LRRC17: variants seen among roughly 807,000 people sequenced by gnomAD.
LRRC17 encodes the protein leucine rich repeat containing 17.
In LRRC17, 33 loss-of-function variants were observed where a neutral mutation model predicts 41.5. The ratio of observed to expected loss-of-function variants is 0.80; its 90% confidence interval spans 0.60 to 1.06. The LOEUF is 1.06. Among genes scored for constraint, LRRC17 ranks in the 50% least tolerant of loss-of-function variants. The pLI, the probability that LRRC17 is intolerant of heterozygous loss-of-function variation, is 0.00. For missense variants in LRRC17, 491 were observed against 519.3 expected (o/e 0.95, Z 0.53); for synonymous variants, 192 against 197.0 (o/e 0.97, Z 0.21).
chr7:102,937,210 G>A (rs140220544), intron 2 of LRRC17, among the ~76,000 whole-genome samples: 112 of 152,044 alleles, frequency 7.4e-4, no homozygotes, highest in Admixed American at 1.2e-3. Flanking sequence ...ATTATAAGAC[G>A]AAGGGTAGGC....
At chr7:102,934,808 C>A in intron 2 of LRRC17, 123 bp downstream of exon 2, 2 of 908,030 alleles carry the variant, frequency 2.2e-6, no homozygotes, top group Non-Finnish European at 3.3e-6. Context: ...AGAAATCCTT[C>A]CCTATTGACA....
chr7:102,913,395 G>C (rs911105695), intron 1 of LRRC17, among the ~76,000 whole-genome samples: 11 of 152,274 alleles, frequency 7.2e-5, no homozygotes, highest in Non-Finnish European at 1.6e-4. Context: ...GTTATATAAG[G>C]TAACACACAA....
intron 2 of LRRC17, 98 bp downstream of exon 2, chr7:102,934,783 G>A: frequency 9.1e-7 from 1 of 1,096,868 alleles, no homozygotes; most frequent in Non-Finnish European, 1.3e-6. Context: ...TGGAATTCGT[G>A]ATGTCACTTC....
intron 3 of LRRC17, among the ~76,000 whole-genome samples, chr7:102,940,387 T>G (rs1003518204): frequency 6.6e-6 from 1 of 151,518 alleles, no homozygotes; most frequent in Non-Finnish European, 1.5e-5. Flanking sequence ...TTTTTCTGTA[T>G]TTTTAGCAGA....
At chr7:102,926,430 C>T (rs1287445571) in intron 1 of LRRC17, 1 of 1,363,928 alleles carries the variant, frequency 7.3e-7, no homozygotes, top group African/African-American at 1.5e-5. Flanking sequence ...TTTGCAATTT[C>T]CCCATTATCT....
chr7:102,922,980 C>CA lies in LRRC17; in HGVS notation c.-141+9843dup, dbSNP rs563556141. On this transcript the variant is annotated intron_variant, in intron 1 of 3. Transcript: ENST00000339431. ...GCGACAGAGCGAGACTCCGTCTCAA[C>CA]AAAAAAAAGAAAAAGAAAATTAAAA... Among the ~76,000 whole-genome samples, 563 of 150,174 alleles carry CA rather than the reference C, an allele frequency of 3.7e-3. 5 individuals are homozygous for CA. The highest frequency in any genetic ancestry group is 0.014 in the African/African-American group (554 of 40,870).
intron 1 of LRRC17, among the ~76,000 whole-genome samples, chr7:102,923,825 AAAAT>A (rs1420683746): frequency 6.6e-6 from 1 of 152,078 alleles, no homozygotes; most frequent in Admixed American, 6.6e-5. Context: ...ATGCCATCTC[AAAAT>A]AAATAAATAA....
At chr7:102,935,242 C>CTTTTTTTTTTT (rs71106700) in intron 2 of LRRC17, among the ~76,000 whole-genome samples, 1 of 76,402 alleles carries the variant, frequency 1.3e-5, no homozygotes, top group African/African-American at 5.8e-5. Context: ...TTTTTTCTTT[C>CTTTTTTTTTTT]TTTTTTTTTT....
At chr7:102,934,789 A>G in intron 2 of LRRC17, 104 bp downstream of exon 2, 1 of 1,048,820 alleles carries the variant, frequency 9.5e-7, no homozygotes, top group Non-Finnish European at 1.4e-6. Flanking sequence ...TCGTGATGTC[A>G]CTTCCACCAG....
rs1185013421 is a variant in LRRC17, at chr7:102,921,688, T to TA, written c.-141+8548dup. 3.7e-3 allele frequency among the ~76,000 whole-genome samples: 560 copies of TA among 150,736 alleles called. 5 individuals are homozygous for TA. Among genetic ancestry groups the TA allele is most frequent in the African/African-American group, 0.013 (553 of 41,112 alleles). ...GAGCAAGATTCCATCTCAAAAAAAA[T>TA]AAAAATAAAAAATAAAAGAAGCTCT... On this transcript the variant is annotated intron_variant, in intron 1 of 3. Transcript: ENST00000339431.
In LRRC17 at chr7:102,934,305, T is replaced by C; in HGVS notation, c.392T>C (p.Leu131Pro). Reference protein sequence around the residue: ...ESEAFFGLNKLTTLLLQHNQI... With the variant: ...ESEAFFGLNKPTTLLLQHNQI... ...GAGGCGTTCTTTGGTTTAAACAAAC[T>C]CACCACCCTCTTACTGCAGCACAAC... Residue 131 changes from leucine to proline, a missense_variant, in exon 2 of 4, where the codon CTC becomes CCC. By Grantham distance (98) the Leu-to-Pro change is moderately conservative. Transcript: ENST00000339431. The C allele has an allele frequency of 6.2e-7, 1 of 1,614,074 alleles. No homozygotes were observed. The highest frequency in any genetic ancestry group is 8.5e-7 in the Non-Finnish European group (1 of 1,180,004).
intron 2 of LRRC17, among the ~76,000 whole-genome samples, chr7:102,936,803 C>T (rs183480766): frequency 2.5e-4 from 37 of 150,070 alleles, no homozygotes; most frequent in Non-Finnish European, 3.3e-4. Context: ...ACTTCTACAA[C>T]GAGACTACAC....
At position 102,916,798 on chromosome 7, in the gene LRRC17, G is replaced by GGC. The variant is rs540309647; in HGVS notation, c.-141+3654_-141+3655insCG. 3.7e-3 allele frequency among the ~76,000 whole-genome samples: 561 copies of GGC among 150,928 alleles called. 5 individuals are homozygous for GGC. Among genetic ancestry groups the GGC allele is most frequent in the African/African-American group, 0.014 (554 of 40,886 alleles). On this transcript the variant is annotated intron_variant, in intron 1 of 3. Transcript: ENST00000339431. ...TTTGATAACTGTTTCTTATGGGGGG[G>GGC]GGTGTGAGTCCTCTCTTTGTGATTT... is the stretch of plus-strand genomic sequence containing the variant.
At chr7:102,918,858 C>A (rs1055327888) in intron 1 of LRRC17, among the ~76,000 whole-genome samples, 6 of 152,108 alleles carry the variant, frequency 3.9e-5, no homozygotes, top group African/African-American at 1.4e-4. Flanking sequence ...TACTCTTTTT[C>A]TATGTTTATG....
chr7:102,929,443 C>T (rs1818734193), intron 1 of LRRC17, among the ~76,000 whole-genome samples: 1 of 152,064 alleles, frequency 6.6e-6, no homozygotes, highest in South Asian at 2.1e-4. Flanking sequence ...GGGTGGATCA[C>T]TTGAGCTCAG....
intron 1 of LRRC17, among the ~76,000 whole-genome samples, chr7:102,914,132 C>T (rs1815334247): frequency 6.6e-6 from 1 of 152,184 alleles, no homozygotes; most frequent in South Asian, 2.1e-4. Context: ...GAGATCTTGG[C>T]TCACTGCAAC....
intron 1 of LRRC17, chr7:102,932,939 T>C (rs1255047445): frequency 6.6e-6 from 1 of 152,244 alleles, no homozygotes; most frequent in Non-Finnish European, 1.5e-5. Context: ...CAAATACTTA[T>C]CAAGGAGATA....
At chr7:102,937,446 G>T (rs1225479143) in intron 2 of LRRC17, among the ~76,000 whole-genome samples, 1 of 144,866 alleles carries the variant, frequency 6.9e-6, no homozygotes, top group Non-Finnish European at 1.5e-5. Flanking sequence ...GGCAGAGGTT[G>T]CAGTGAGCTG....
chr7:102,926,511 C>T (rs1818165861), intron 1 of LRRC17: 1 of 627,708 alleles, frequency 1.6e-6, no homozygotes, highest in African/African-American at 1.9e-5. Context: ...TCTTTATCTA[C>T]TATTAGGTTG....
Sources: allele counts gnomAD v4.1 joint callset (sites outside exome capture counted in the v4.1 genomes callset), GRCh38; gene constraint gnomAD v4.1.1; transcripts MANE v1.5; gene names NCBI Gene and HGNC (gene_info 2026-07-23, HGNC 2026-07-21).